Variants in KIAA1549L observed in about 807,000 individuals in gnomAD.
KIAA1549L encodes the protein UPF0606 protein KIAA1549L.
Under a neutral mutation model 160.7 loss-of-function variants are expected in KIAA1549L, and 88 were observed. The ratio of observed to expected loss-of-function variants is 0.55; its 90% CI spans 0.46 to 0.65. The LOEUF (loss-of-function observed/expected upper bound fraction) is 0.65, where lower values mean the gene tolerates loss of function less well. KIAA1549L is among the 30% of genes least tolerant of loss of function. The probability of loss-of-function intolerance (pLI) is 0.00; values close to 1 mark genes in which losing one functional copy is unlikely to be tolerated. For missense variants in KIAA1549L, 2,258 were observed against 2,437.5 expected (o/e 0.93, Z 1.55); for synonymous variants, 950 against 976.7 (o/e 0.97, Z 0.51).
intron 1 of KIAA1549L, among the ~76,000 whole-genome samples, chr11:33,460,539 TG>T (rs1201591409): frequency 1.3e-5 from 2 of 152,200 alleles, no homozygotes; most frequent in Non-Finnish European, 2.9e-5. Flanking sequence ...CCATGTTCAA[TG>T]GTGTCTTTAG....
intron 12 of KIAA1549L, among the ~76,000 whole-genome samples, chr11:33,595,946 G>A (rs186450429): frequency 1.3e-5 from 2 of 151,944 alleles, no homozygotes; most frequent in East Asian, 3.9e-4. Context: ...TCCAGTGTAG[G>A]GTCTTGGTGA....
At chr11:33,444,072 T>A (rs1764429175) in intron 1 of KIAA1549L, among the ~76,000 whole-genome samples, 1 of 152,216 alleles carries the variant, frequency 6.6e-6, no homozygotes, top group African/African-American at 2.4e-5. Flanking sequence ...ACTACCTGGG[T>A]TATTGAACTT....
intron 1 of KIAA1549L, among the ~76,000 whole-genome samples, chr11:33,405,900 T>TCCAGGTCTTGTTATCC (rs1380644653): frequency 2.0e-4 from 30 of 150,486 alleles, no homozygotes; most frequent in African/African-American, 7.3e-4. Flanking sequence ...TTATCCATGT[T>TCCAGGTCTTGTTATCC]CCAGGTCTTG....
At chr11:33,661,362 TTAGG>T (rs1852254517) in intron 20 of KIAA1549L, among the ~76,000 whole-genome samples, 2 of 152,294 alleles carry the variant, frequency 1.3e-5, no homozygotes, top group Non-Finnish European at 2.9e-5. Context: ...TATTACAATC[TTAGG>T]TAGGTATTAT....
intron 1 of KIAA1549L, among the ~76,000 whole-genome samples, chr11:33,408,489 G>GTGTATA (rs34208718): frequency 0.029 from 3,539 of 122,988 alleles, 51 homozygotes; most frequent in Middle Eastern, 0.035. Context: ...CTGTATATGT[G>GTGTATA]TATATATATA....
chr11:33,508,659 C>T (rs1219289484), intron 1 of KIAA1549L, among the ~76,000 whole-genome samples: 4 of 152,176 alleles, frequency 2.6e-5, no homozygotes, highest in Non-Finnish European at 4.4e-5. Flanking sequence ...TTCTCAGCCC[C>T]GTCTTCCTTG....
At chr11:33,564,053 G>T (rs1854966447) in intron 8 of KIAA1549L, among the ~76,000 whole-genome samples, 1 of 152,022 alleles carries the variant, frequency 6.6e-6, no homozygotes, top group Non-Finnish European at 1.5e-5. Flanking sequence ...ATTTGTTATT[G>T]CTGTTGGTGT....
At chr11:33,457,286 A>C (rs1240189186) in intron 1 of KIAA1549L, among the ~76,000 whole-genome samples, 5 of 152,204 alleles carry the variant, frequency 3.3e-5, no homozygotes, top group Non-Finnish European at 5.9e-5. Context: ...GGTGGGCTCA[A>C]GGTAGCAGAG....
intron 9 of KIAA1549L, among the ~76,000 whole-genome samples, chr11:33,570,772 C>T (rs773232006): frequency 6.6e-5 from 10 of 152,142 alleles, no homozygotes; most frequent in Non-Finnish European, 1.2e-4. Flanking sequence ...CATGTGACCA[C>T]TAAAAATTTT....
At chr11:33,386,303 A>AT (rs945410495) in intron 1 of KIAA1549L, among the ~76,000 whole-genome samples, 4 of 152,184 alleles carry the variant, frequency 2.6e-5, no homozygotes, top group African/African-American at 9.6e-5. Context: ...TGGTTATCAG[A>AT]TTTTGGCAAA....
intron 19 of KIAA1549L, 27 bp downstream of exon 19, chr11:33,658,925 C>G (rs537856162): frequency 6.6e-7 from 1 of 1,522,304 alleles, no homozygotes; most frequent in Admixed American, 2.0e-5. Flanking sequence ...CCCGAGTGTG[C>G]CCCCCACCAC....
chr11:33,670,968 C>T lies in KIAA1549L; in HGVS notation c.*2814C>T, dbSNP rs1487001703. 6.6e-6 allele frequency: 1 copy of T among 152,086 alleles called. No individual in the cohort carries two copies. The highest frequency in any genetic ancestry group is 1.5e-5 in the Non-Finnish European group (1 of 68,036). 9.4% of individuals were successfully genotyped at this position (152,086 alleles called of 1,614,324 possible). ...CTGCAGGCTTGTCAGTAACACATTT[C>T]TTTAGCTGTGCCTAGAGGTTTAAAA... On this transcript the variant is annotated 3_prime_UTR_variant, in exon 21 of 21. Transcript: ENST00000658780.
chr11:33,561,961 C>T (rs1854873353), intron 8 of KIAA1549L, among the ~76,000 whole-genome samples: 2 of 152,182 alleles, frequency 1.3e-5, no homozygotes, highest in South Asian at 4.1e-4. Flanking sequence ...CTTTCAAGTC[C>T]TCTTTTGTAA....
chr11:33,454,771 T>A (rs1851787788), intron 1 of KIAA1549L, among the ~76,000 whole-genome samples: 1 of 152,162 alleles, frequency 6.6e-6, no homozygotes, highest in South Asian at 2.1e-4. Context: ...TGAAAAGGAA[T>A]TGCCGCTTCA....
At chr11:33,568,013 G>T (rs1855108445) in intron 8 of KIAA1549L, 63 bp from the exon 9 acceptor site, 3 of 1,488,620 alleles carry the variant, frequency 2.0e-6, no homozygotes, top group Non-Finnish European at 2.7e-6. Flanking sequence ...AGTGGTGCTT[G>T]TGCTTACTGA....
chr11:33,436,460 T>C (rs961264030), intron 1 of KIAA1549L, among the ~76,000 whole-genome samples: 2 of 152,120 alleles, frequency 1.3e-5, no homozygotes, highest in African/African-American at 4.8e-5. Context: ...CCTCAATAGA[T>C]TGGATGAGGC....
At chr11:33,638,363 T>C (rs1481632234) in intron 16 of KIAA1549L, among the ~76,000 whole-genome samples, 2 of 127,114 alleles carry the variant, frequency 1.6e-5, no homozygotes, top group East Asian at 4.5e-4. Flanking sequence ...TATGTACTCT[T>C]TTGTGTCTGA....
At position 33,416,136 on chromosome 11, in the gene KIAA1549L, A is replaced by G. The variant is rs185494879; in HGVS notation, c.238+39247A>G. ...GAGGACTGTCCTGAGGCAGGTGACC[A>G]CCCCTGAGTTACGCGTCCTGAAAAC... On this transcript the variant is annotated intron_variant, in intron 1 of 20. Coordinates refer to ENST00000658780, the MANE Select transcript of KIAA1549L (RefSeq NM_012194.3). Among the ~76,000 whole-genome samples the G allele has an allele frequency of 2.5e-3, 387 of 151,872 alleles. 3 individuals carry two copies. The highest frequency in any genetic ancestry group is 0.01 in the South Asian group (48 of 4,794).
chr11:33,491,932 T>A (rs761718644), intron 1 of KIAA1549L, among the ~76,000 whole-genome samples: 1 of 152,150 alleles, frequency 6.6e-6, no homozygotes, highest in Non-Finnish European at 1.5e-5. Flanking sequence ...GAGGGCGAGG[T>A]CTAGGGAGGA....
Sources: allele counts gnomAD v4.1 joint callset (sites outside exome capture counted in the v4.1 genomes callset), GRCh38; gene constraint gnomAD v4.1.1; transcripts MANE v1.5; gene names NCBI Gene and HGNC (gene_info 2026-07-23, HGNC 2026-07-21).